Variants in ATRN observed in about 807,000 individuals in gnomAD.
ATRN encodes the protein attractin.
Under a neutral mutation model 178.7 loss-of-function variants are expected in ATRN, and 54 were observed. The observed-to-expected ratio is 0.30, with a 90% CI of 0.24 to 0.38. The LOEUF (loss-of-function observed/expected upper bound fraction) is 0.38. Ranked by LOEUF, ATRN falls within the 10% of genes least tolerant of loss-of-function variation. The pLI is 1.00. For synonymous variants in ATRN, 636 were observed against 663.0 expected, an observed-to-expected ratio of 0.96 and a Z score of 0.63; for missense variants, 1,443 against 1,815.1, an observed-to-expected ratio of 0.79 and a Z score of 3.73.
chr20:3,520,933 T>C (rs1206479478), intron 1 of ATRN, among the ~76,000 whole-genome samples: 1 of 152,210 alleles, frequency 6.6e-6, no homozygotes, highest in Non-Finnish European at 1.5e-5. Context: ...AATTATGTAG[T>C]CTCATGAAAA....
rs766279241 is a variant in ATRN at position 3,575,877 on chromosome 20, G to A, written c.2143G>A (p.Ala715Thr). ...GCACACAGATTGTTACAGCTGCACA[G>A]CCAACACCAATGACTGCCACTGGTG... ...DQHTDCYSCT[A>T]NTNDCHWCND... is the part of the protein sequence containing the mutation. Residue 715 changes from alanine to threonine, a missense_variant, in exon 13 of 29, where the codon GCC becomes ACC. Physicochemically the swap from Ala to Thr is moderately conservative, Grantham distance 58. This residue lies in a region of ATRN where 862 missense variants were observed against 972.1 expected (regional missense o/e 0.89). Transcript: ENST00000262919. 2 of 1,614,052 alleles carry A rather than the reference G, an allele frequency of 1.2e-6. No individual in the cohort carries two copies. Among genetic ancestry groups the A allele is most frequent in the South Asian group, 2.2e-5 (2 of 91,066 alleles).
At chr20:3,646,570 G>A (rs2087109171) in intron 28 of ATRN, among the ~76,000 whole-genome samples, 153 bp from the exon 29 acceptor site, 1 of 152,214 alleles carries the variant, frequency 6.6e-6, no homozygotes, top group Admixed American at 6.5e-5. Context: ...ACTTTTCCCT[G>A]TGTATGTGTA....
intron 4 of ATRN, 93 bp downstream of exon 4, chr20:3,545,983 G>A: frequency 7.3e-7 from 1 of 1,367,212 alleles, no homozygotes. Context: ...TTGAGAGCCA[G>A]GCATAGCGTC....
intron 1 of ATRN, among the ~76,000 whole-genome samples, chr20:3,522,424 T>A (rs1795471602): frequency 6.6e-6 from 1 of 152,194 alleles, no homozygotes; most frequent in Non-Finnish European, 1.5e-5. Flanking sequence ...GTCAGGGGCT[T>A]ATAGATAAAA....
rs114081494 is a variant in ATRN at position 3,502,943 on chromosome 20, C to T, written c.410+31426C>T. Among the ~76,000 whole-genome samples the T allele has an allele frequency of 1.7e-3, 263 of 152,256 alleles. 1 individual carries two copies. The highest frequency in any genetic ancestry group is 6.1e-3 in the African/African-American group (253 of 41,560). ...ACTGGCAAGAGCAAGTGGCCCATTA[C>T]AGAAGACCTCTTTGTCTCTGTGGGT... On this transcript the variant is annotated intron_variant, in intron 1 of 28. Coordinates refer to ENST00000262919, the MANE Select transcript of ATRN (RefSeq NM_139321.3).
intron 1 of ATRN, among the ~76,000 whole-genome samples, chr20:3,521,744 A>G (rs1199565701): frequency 6.6e-6 from 1 of 152,220 alleles, no homozygotes; most frequent in Non-Finnish European, 1.5e-5. Context: ...GCTGGATAAT[A>G]GAACAAGTCT....
intron 25 of ATRN, among the ~76,000 whole-genome samples, chr20:3,631,744 T>TCAG (rs1319943844): frequency 6.6e-6 from 1 of 152,222 alleles, no homozygotes; most frequent in African/African-American, 2.4e-5. Context: ...TCCTCGCCTC[T>TCAG]CAGCAGCAGC....
intron 1 of ATRN, among the ~76,000 whole-genome samples, chr20:3,519,021 G>GAAAAAAAAAAAAAAAA (rs1310146148): frequency 7.7e-6 from 1 of 130,596 alleles, no homozygotes; most frequent in African/African-American, 2.8e-5. Flanking sequence ...AAAAAAAAAA[G>GAAAAAAAAAAAAAAAA]AAAGAAAACT....
chr20:3,595,134 T>C (rs1196768097), intron 20 of ATRN, among the ~76,000 whole-genome samples: 2 of 152,220 alleles, frequency 1.3e-5, no homozygotes, highest in Non-Finnish European at 2.9e-5. Context: ...TGGCCCTGCC[T>C]CCACTGAGCA....
chr20:3,584,273 C>G (rs1480966894), intron 17 of ATRN, among the ~76,000 whole-genome samples, 190 bp downstream of exon 17: 5 of 152,112 alleles, frequency 3.3e-5, no homozygotes, highest in African/African-American at 1.2e-4. Context: ...GAATCAGGCA[C>G]ATTGACAGTA....
At chr20:3,506,139 ATC>A (rs2085040705) in intron 1 of ATRN, among the ~76,000 whole-genome samples, 1 of 152,214 alleles carries the variant, frequency 6.6e-6, no homozygotes, top group African/African-American at 2.4e-5. Flanking sequence ...CAGTTGACTT[ATC>A]AATGTCAATA....
chr20:3,640,635 A>G (rs235557), intron 27 of ATRN, among the ~76,000 whole-genome samples: 132,065 of 152,296 alleles, frequency 0.87, 57,656 homozygotes, highest in East Asian at 1. Flanking sequence ...CACATACAAC[A>G]TGGAGAAACT....
At chr20:3,535,077 C>T (rs1364171665) in intron 1 of ATRN, among the ~76,000 whole-genome samples, 176 bp from the exon 2 acceptor site, 1 of 151,664 alleles carries the variant, frequency 6.6e-6, no homozygotes, top group Non-Finnish European at 1.5e-5. Flanking sequence ...TTTATGCAAT[C>T]TGAATATAAC....
At chr20:3,588,055 C>G (rs1386392388) in intron 18 of ATRN, among the ~76,000 whole-genome samples, 1 of 152,128 alleles carries the variant, frequency 6.6e-6, no homozygotes, top group Non-Finnish European at 1.5e-5. Flanking sequence ...CCATGTTGCC[C>G]AGGCTGGTCT....
chr20:3,627,299 G>T (rs1489998490), intron 25 of ATRN, among the ~76,000 whole-genome samples: 1 of 152,194 alleles, frequency 6.6e-6, no homozygotes, highest in Non-Finnish European at 1.5e-5. Flanking sequence ...CTCTAGGGGT[G>T]CACCCCAAAC....
At chr20:3,528,538 A>G (rs997071551) in intron 1 of ATRN, among the ~76,000 whole-genome samples, 1 of 152,124 alleles carries the variant, frequency 6.6e-6, no homozygotes, top group Non-Finnish European at 1.5e-5. Context: ...GGAACTAATC[A>G]TTGAGTACAC....
chr20:3,530,991 C>T (rs943487955), intron 1 of ATRN, among the ~76,000 whole-genome samples: 3 of 152,140 alleles, frequency 2.0e-5, no homozygotes, highest in Admixed American at 6.6e-5. Flanking sequence ...TTTAGCCTTA[C>T]ATTATTGAAA....
intron 2 of ATRN, among the ~76,000 whole-genome samples, chr20:3,540,018 A>G (rs1323822089): frequency 3.3e-5 from 5 of 152,242 alleles, no homozygotes; most frequent in Non-Finnish European, 4.4e-5. Flanking sequence ...CATGGACCAC[A>G]TCAGTTTTGT....
chr20:3,635,363 T>TAATAAATAAATAAATA lies in ATRN; in HGVS notation c.3942+991_3942+1006dup, dbSNP rs71331055. 9.1e-3 allele frequency among the ~76,000 whole-genome samples: 1,354 copies of TAATAAATAAATAAATA among 149,226 alleles called. 2 individuals are homozygous for TAATAAATAAATAAATA. The highest frequency in any genetic ancestry group is 0.014 in the Non-Finnish European group (922 of 67,386). On this transcript the variant is annotated intron_variant, in intron 26 of 28. Transcript: ENST00000262919. Reference sequence around the variant, plus strand: ...CTGTTCCCCCAAAAACCTATTGAAATAATAAATAAATAAATAAATAAATAA... The same window carrying TAATAAATAAATAAATA: ...CTGTTCCCCCAAAAACCTATTGAAATAATAAATAAATAAATAAATAAATAAATAAATAAATAAATAA...
Sources: gnomAD v4.1 joint callset for allele counts (sites outside exome capture counted in the v4.1 genomes callset) on GRCh38, gnomAD v4.1.1 for gene constraint, gnomAD v4.1.1 regional missense constraint, MANE v1.5 for transcripts, NCBI Gene and HGNC (gene_info 2026-07-23, HGNC 2026-07-21) for gene names.